CCAR1: variants seen among roughly 807,000 people sequenced by gnomAD.
The protein encoded by CCAR1 is cell division cycle and apoptosis regulator protein 1.
A neutral mutation model predicts 163.8 loss-of-function variants in CCAR1; 78 were observed. The ratio of observed to expected loss-of-function variants is 0.48; its 90% confidence interval spans 0.40 to 0.57. CCAR1 has a LOEUF of 0.57. Ranked by LOEUF, CCAR1 falls within the 20% of genes least tolerant of loss-of-function variation. The pLI is 0.00. For missense variants in CCAR1, 1,019 were observed against 1,365.2 expected, an observed-to-expected ratio of 0.75 and a Z score of 4.00; for synonymous variants, 443 against 460.7, an observed-to-expected ratio of 0.96 and a Z score of 0.49.
chr10:68,740,461 A>G (rs1271319534), intron 4 of CCAR1, among the ~76,000 whole-genome samples, 168 bp from the exon 5 acceptor site: 1 of 152,200 alleles, frequency 6.6e-6, no homozygotes, highest in Non-Finnish European at 1.5e-5. Flanking sequence ...GCTTGAGCTC[A>G]GGAGTTCAAG....
chr10:68,766,674 G>A (rs942127013), intron 17 of CCAR1, among the ~76,000 whole-genome samples: 2 of 151,364 alleles, frequency 1.3e-5, no homozygotes, highest in Non-Finnish European at 2.9e-5. Context: ...TTACAGGCAT[G>A]AGCCACCATG....
intron 10 of CCAR1, among the ~76,000 whole-genome samples, chr10:68,752,108 CAG>C (rs1238392396): frequency 6.6e-6 from 1 of 151,202 alleles, no homozygotes; most frequent in African/African-American, 2.4e-5. Context: ...TTAGTAGAGA[CAG>C]GGTTTCGCCG....
At position 68,747,412 on chromosome 10, in the gene CCAR1, T is replaced by G; in HGVS notation, c.672T>G (p.Pro224=). 6.2e-7 allele frequency: 1 copy of G among 1,614,148 alleles called. No homozygotes were observed. Among genetic ancestry groups the G allele is most frequent in the Non-Finnish European group, 8.5e-7 (1 of 1,180,014 alleles). Residue 224 remains proline (P), a synonymous_variant, in exon 8 of 25, where the codon CCT becomes CCG. Transcript: ENST00000265872. ...SQTQPLLKTP[P]AVLQPIAPQT... is the part of the protein sequence containing the mutation. ...CCCAGCCATTACTGAAGACTCCTCC[T>G]GCTGTACTTCAGCCAATTGCACCAC...
At chr10:68,770,305 C>T (rs1230321419) in intron 17 of CCAR1, among the ~76,000 whole-genome samples, 1 of 152,188 alleles carries the variant, frequency 6.6e-6, no homozygotes, top group Admixed American at 6.5e-5. Context: ...TATTTATTCT[C>T]TCCACTAGCT....
intron 1 of CCAR1, 92 bp from the exon 2 acceptor site, chr10:68,722,362 CT>C (rs1209488159): frequency 1.3e-6 from 1 of 741,400 alleles, no homozygotes; most frequent in Non-Finnish European, 2.4e-6. Context: ...CGAAGACGTC[CT>C]CGACACATTA....
chr10:68,755,341 T>A, intron 12 of CCAR1, 29 bp from the exon 13 acceptor site: 1 of 1,594,154 alleles, frequency 6.3e-7, no homozygotes, highest in South Asian at 1.1e-5. Context: ...GTGCGTAATA[T>A]ATGTAAATGA....
intron 21 of CCAR1, among the ~76,000 whole-genome samples, chr10:68,787,632 T>G (rs953820163): frequency 2.6e-4 from 40 of 152,180 alleles, no homozygotes; most frequent in African/African-American, 8.7e-4. Flanking sequence ...GGTCAGGAGT[T>G]CAAGACCAGC....
At chr10:68,781,867 A>G (rs1339565128) in intron 19 of CCAR1, among the ~76,000 whole-genome samples, 1 of 152,166 alleles carries the variant, frequency 6.6e-6, no homozygotes, top group Non-Finnish European at 1.5e-5. Flanking sequence ...AATAATCATA[A>G]TAACAAAGAA....
At chr10:68,758,417 C>T (rs143536272) in intron 15 of CCAR1, among the ~76,000 whole-genome samples, 42 of 151,404 alleles carry the variant, frequency 2.8e-4, no homozygotes, top group African/African-American at 9.9e-4. Context: ...AGGCCAGAAG[C>T]GGTGGCTCAC....
intron 1 of CCAR1, chr10:68,721,755 C>G: frequency 3.2e-6 from 1 of 314,466 alleles, no homozygotes; most frequent in African/African-American, 2.3e-5. Context: ...CGGCACGGAG[C>G]TGGGACTGGA....
At chr10:68,760,633 C>T (rs183179879) in intron 15 of CCAR1, among the ~76,000 whole-genome samples, 4 of 152,222 alleles carry the variant, frequency 2.6e-5, no homozygotes, top group South Asian at 4.1e-4. Flanking sequence ...CTTTGGGAGG[C>T]CAAGGCAGGC....
intron 1 of CCAR1, chr10:68,721,582 G>T (rs989051903): frequency 3.3e-5 from 15 of 449,952 alleles, no homozygotes; most frequent in Non-Finnish European, 5.8e-5. Flanking sequence ...GAGCCGCTGC[G>T]GTTTTACCCT....
chr10:68,739,129 A>G (rs140823818), intron 4 of CCAR1, among the ~76,000 whole-genome samples: 19 of 152,310 alleles, frequency 1.2e-4, no homozygotes, highest in African/African-American at 4.6e-4. Context: ...CTTTAGTCTA[A>G]GCATGTCCCT....
intron 2 of CCAR1, among the ~76,000 whole-genome samples, chr10:68,726,771 G>A (rs1476086443): frequency 2.6e-5 from 4 of 151,854 alleles, no homozygotes; most frequent in Non-Finnish European, 5.9e-5. Flanking sequence ...GCCAAGGCAG[G>A]CAGATCACGA....
chr10:68,741,016 C>T (rs957606778), intron 5 of CCAR1, among the ~76,000 whole-genome samples: 1 of 151,786 alleles, frequency 6.6e-6, no homozygotes. Context: ...TGGGTTCAAG[C>T]GATTCTCCTC....
chr10:68,790,467 T>C (rs1026002614), intron 24 of CCAR1, among the ~76,000 whole-genome samples: 41 of 152,202 alleles, frequency 2.7e-4, no homozygotes, highest in Admixed American at 2.3e-3. Flanking sequence ...TTTTTATTTC[T>C]TTTTAATCCA....
chr10:68,767,430 G>A (rs2056550041), intron 17 of CCAR1, among the ~76,000 whole-genome samples: 1 of 152,026 alleles, frequency 6.6e-6, no homozygotes. Context: ...ACAATGCCTG[G>A]CTAATTTTTT....
At chr10:68,729,486 G>T (rs1316498946) in intron 2 of CCAR1, among the ~76,000 whole-genome samples, 1 of 151,720 alleles carries the variant, frequency 6.6e-6, no homozygotes, top group Non-Finnish European at 1.5e-5. Context: ...AGCCAGGATG[G>T]TCTTGATCTC....
intron 24 of CCAR1, among the ~76,000 whole-genome samples, chr10:68,790,521 T>C (rs535158230): frequency 6.6e-6 from 1 of 152,186 alleles, no homozygotes; most frequent in East Asian, 1.9e-4. Context: ...TTCTCTGTGT[T>C]TTTTTTGTTT....
Sources: gnomAD v4.1 joint callset for allele counts (sites outside exome capture counted in the v4.1 genomes callset) on GRCh38, gnomAD v4.1.1 for gene constraint, MANE v1.5 for transcripts, NCBI Gene and HGNC (gene_info 2026-07-23, HGNC 2026-07-21) for gene names.